The following ABI3BP variants were observed in gnomAD, a reference collection of about 807,000 sequenced individuals.
ABI3BP encodes the protein ABI family member 3 binding protein, also known as target of Nesh-SH3.
In ABI3BP, 216 loss-of-function variants were observed where a neutral mutation model predicts 268.6. The ratio of observed to expected loss-of-function variants is 0.80; its 90% confidence interval spans 0.72 to 0.90. The LOEUF (loss-of-function observed/expected upper bound fraction) is 0.90. Among genes scored for constraint, ABI3BP ranks in the 40% least tolerant of loss-of-function variants. The probability of loss-of-function intolerance (pLI) is 0.00; values close to 1 mark genes in which losing one functional copy is unlikely to be tolerated. For missense variants in ABI3BP, 2,090 were observed against 2,182.4 expected, an observed-to-expected ratio of 0.96 and a Z score of 0.84; for synonymous variants, 730 against 730.0, an observed-to-expected ratio of 1.00 and a Z score of 0.00.
intron 1 of ABI3BP, among the ~76,000 whole-genome samples, chr3:100,950,702 A>C (rs1240917107): frequency 6.6e-6 from 1 of 152,006 alleles, no homozygotes; most frequent in Non-Finnish European, 1.5e-5. Context: ...TCTCTTTTAA[A>C]AATTAATATA....
intron 67 of ABI3BP, 130 bp from the exon 68 acceptor site, chr3:100,750,740 A>C (rs9833524): frequency 0.016 from 10,265 of 632,296 alleles, 489 homozygotes; most frequent in African/African-American, 0.13. Context: ...TAGAAAACTG[A>C]GAGCAAGAAG....
intron 2 of ABI3BP, among the ~76,000 whole-genome samples, chr3:100,905,151 T>A (rs563538176): frequency 3.9e-5 from 6 of 152,150 alleles, no homozygotes; most frequent in African/African-American, 1.2e-4. Flanking sequence ...CTCAGCAAAC[T>A]ATCGCAAGGA....
intron 27 of ABI3BP, among the ~76,000 whole-genome samples, chr3:100,836,571 A>G (rs1429260290): frequency 6.6e-6 from 1 of 152,180 alleles, no homozygotes; most frequent in Non-Finnish European, 1.5e-5. Flanking sequence ...GATGACAACA[A>G]TATTTATAAT....
intron 7 of ABI3BP, 54 bp downstream of exon 7, chr3:100,876,458 G>T: frequency 6.8e-7 from 1 of 1,472,598 alleles, no homozygotes; most frequent in Non-Finnish European, 9.3e-7. Flanking sequence ...GATTACCTTA[G>T]CTAAAAGTAT....
At chr3:100,807,965 T>G (rs2097760024) in intron 50 of ABI3BP, among the ~76,000 whole-genome samples, 196 bp downstream of exon 50, 1 of 152,008 alleles carries the variant, frequency 6.6e-6, no homozygotes, top group African/African-American at 2.4e-5. Flanking sequence ...GGAAGCTTTG[T>G]GGAATAAGCT....
At position 100,749,513 on chromosome 3, in the gene ABI3BP, T is replaced by A. The variant is rs969027541; in HGVS notation, c.*982A>T. ...CGCCTAAAGGACAATACCTTTTTAATAGAAATAAATGAGTTAGTTAGTTAG... is the reference window on the plus strand; with the variant it reads ...CGCCTAAAGGACAATACCTTTTTAAAAGAAATAAATGAGTTAGTTAGTTAG... On this transcript the variant is annotated 3_prime_UTR_variant, in exon 68 of 68. Coordinates refer to ENST00000471714, the MANE Select transcript of ABI3BP (RefSeq NM_001375547.2). The A allele has an allele frequency of 2.5e-6, 1 of 395,594 alleles. No homozygotes were observed. The highest frequency in any genetic ancestry group is 4.4e-6 in the Non-Finnish European group (1 of 224,758). 24.5% of individuals were successfully genotyped at this position (395,594 alleles called of 1,614,324 possible). A position where few individuals can be genotyped will look rare whatever the true frequency, so the allele number is the denominator to read the frequency against.
rs1427089912 is a variant in ABI3BP, at chr3:100,838,125, T to C, written c.2083+85A>G. ...TTATGGTATTTGGATTTCTATGATT[T>C]ATATGATATGACAGATTGGAAACAT... On this transcript the variant is annotated intron_variant, in intron 26 of 67. Coordinates refer to ENST00000471714, the MANE Select transcript of ABI3BP (RefSeq NM_001375547.2). 2.9e-6 allele frequency: 4 copies of C among 1,374,900 alleles called. No homozygotes were observed. The East Asian group carries it at 1.0e-4, about 34-fold the overall frequency. 85.2% of individuals were successfully genotyped at this position (1,374,900 alleles called of 1,614,324 possible). A position where few individuals can be genotyped will look rare whatever the true frequency, so the allele number is the denominator to read the frequency against.
At chr3:100,882,195 C>A (rs1280422957) in intron 6 of ABI3BP, among the ~76,000 whole-genome samples, 1 of 151,974 alleles carries the variant, frequency 6.6e-6, no homozygotes, top group Non-Finnish European at 1.5e-5. Context: ...ATCCAAAAAG[C>A]AAAACATGTG....
intron 46 of ABI3BP, 53 bp from the exon 47 acceptor site, chr3:100,811,852 G>A: frequency 8.2e-7 from 1 of 1,223,846 alleles, no homozygotes; most frequent in Non-Finnish European, 1.2e-6. Context: ...AAAGCACACT[G>A]TAATAGAACC....
chr3:100,940,602 G>A (rs2068537966), intron 1 of ABI3BP, among the ~76,000 whole-genome samples: 1 of 150,152 alleles, frequency 6.7e-6, no homozygotes, highest in Admixed American at 6.6e-5. Context: ...TAGGCCTCAA[G>A]CCACCCCACC....
In ABI3BP at chr3:100,805,576, G is replaced by A. The variant is rs9861747; in HGVS notation, c.3683-710C>T. ...TTTGAGTCTCACCATAATGTTGGGAGGAAGGAATTACTAGCTCCTCTTTAA... is the reference window on the plus strand; with the variant it reads ...TTTGAGTCTCACCATAATGTTGGGAAGAAGGAATTACTAGCTCCTCTTTAA... On this transcript the variant is annotated intron_variant, in intron 50 of 67. Transcript: ENST00000471714. Among the ~76,000 whole-genome samples the A allele has an allele frequency of 4.9e-3, 750 of 152,170 alleles. 2 individuals are homozygous for A. The highest frequency in any genetic ancestry group is 0.017 in the African/African-American group (705 of 41,534).
At chr3:100,931,432 T>C (rs1368787248) in intron 1 of ABI3BP, among the ~76,000 whole-genome samples, 1 of 152,028 alleles carries the variant, frequency 6.6e-6, no homozygotes, top group Admixed American at 6.6e-5. Flanking sequence ...CTGCAGATAA[T>C]ATAATTCTGT....
intron 14 of ABI3BP, among the ~76,000 whole-genome samples, chr3:100,861,880 C>A (rs2153161643): frequency 6.6e-6 from 1 of 152,348 alleles, no homozygotes; most frequent in South Asian, 2.1e-4. Flanking sequence ...TTAGAACTTA[C>A]TATACTATCT....
chr3:100,961,346 G>C (rs1320071929), intron 1 of ABI3BP, among the ~76,000 whole-genome samples: 3 of 152,328 alleles, frequency 2.0e-5, no homozygotes, highest in African/African-American at 7.2e-5. Flanking sequence ...GGCTCAGGTA[G>C]AAATCACACA....
chr3:100,985,312 G>A (rs1357371165), intron 1 of ABI3BP, among the ~76,000 whole-genome samples: 4 of 151,698 alleles, frequency 2.6e-5, no homozygotes, highest in Non-Finnish European at 4.4e-5. Flanking sequence ...ACCATGCCCG[G>A]CTAATTTTTT....
Position 100,815,791 on chromosome 3 carries a change from T to C in ABI3BP, c.3289+121A>G. 5 of 622,224 alleles carry C rather than the reference T, an allele frequency of 8.0e-6. No homozygotes were observed. In the South Asian group the frequency reaches 1.4e-4, roughly 17 times the overall value. The allele number at this position is 622,224 out of a possible 1,614,324, so 38.5% of individuals were successfully genotyped here. ...ATTAAAACTGCTGACTATTTTAAAA[T>C]GAAGTGTAGAATGGAATAACAGCGT... On this transcript the variant is annotated intron_variant, in intron 44 of 67. Coordinates refer to ENST00000471714, the MANE Select transcript of ABI3BP (RefSeq NM_001375547.2).
chr3:100,981,724 G>A (rs1430496224), intron 1 of ABI3BP, among the ~76,000 whole-genome samples: 1 of 152,150 alleles, frequency 6.6e-6, no homozygotes. Context: ...TACAGGAGTG[G>A]GATGCTCATG....
chr3:100,945,654 C>A, intron 1 of ABI3BP: 4 of 448,956 alleles, frequency 8.9e-6, no homozygotes, highest in South Asian at 6.4e-5. Flanking sequence ...CATGCTGTAT[C>A]ACTAGTTCAG....
chr3:100,859,708 G>A lies in ABI3BP; in HGVS notation c.1285+2603C>T, dbSNP rs140299553. Among the ~76,000 whole-genome samples, 3 of 152,254 alleles carry A rather than the reference G, an allele frequency of 2.0e-5. No individual in the cohort carries two copies. The East Asian group carries it at 5.8e-4, about 29-fold the overall frequency. ...GAAATGTAACGTAAGTTAGGAAGATGCCACAGAGCACTTACACTAGAAATG... is the reference window on the plus strand; with the variant it reads ...GAAATGTAACGTAAGTTAGGAAGATACCACAGAGCACTTACACTAGAAATG... On this transcript the variant is annotated intron_variant, in intron 14 of 67. Coordinates refer to ENST00000471714, the MANE Select transcript of ABI3BP (RefSeq NM_001375547.2).
Sources: allele counts gnomAD v4.1 joint callset (sites outside exome capture counted in the v4.1 genomes callset), GRCh38; gene constraint gnomAD v4.1.1; transcripts MANE v1.5; gene names NCBI Gene and HGNC (gene_info 2026-07-23, HGNC 2026-07-21).